TMEFF1: variants seen among roughly 807,000 people sequenced by gnomAD.
TMEFF1 encodes tomoregulin-1.
In TMEFF1, 20 loss-of-function variants were observed where a neutral mutation model predicts 47.5. The ratio of observed to expected loss-of-function variants is 0.42; its 90% CI spans 0.30 to 0.61. The LOEUF (loss-of-function observed/expected upper bound fraction) is 0.61. Among genes scored for constraint, TMEFF1 ranks in the 20% least tolerant of loss-of-function variants. The pLI, the probability that TMEFF1 is intolerant of heterozygous loss-of-function variation, is 0.19. For synonymous variants in TMEFF1, 162 were observed against 166.3 expected, an observed-to-expected ratio of 0.97 and a Z score of 0.20; for missense variants, 411 against 471.1, an observed-to-expected ratio of 0.87 and a Z score of 1.18.
chr9:100,534,997 G>C (rs1378330194), intron 5 of TMEFF1, among the ~76,000 whole-genome samples: 1 of 152,054 alleles, frequency 6.6e-6, no homozygotes, highest in East Asian at 1.9e-4. Context: ...GGCCACATGT[G>C]GTCTTCACCA....
chr9:100,475,715 CTGTGTGTGTGTGTG>C (rs3055671), intron 1 of TMEFF1, among the ~76,000 whole-genome samples: 12 of 140,922 alleles, frequency 8.5e-5, no homozygotes, highest in South Asian at 2.3e-4. Context: ...TGCAGAGCGA[CTGTGTGTGTGTGTG>C]TGTGTGTGTG....
intron 7 of TMEFF1, among the ~76,000 whole-genome samples, chr9:100,561,173 A>G (rs768929771): frequency 1.8e-4 from 27 of 152,206 alleles, no homozygotes; most frequent in Non-Finnish European, 3.4e-4. Context: ...AAATATTTTT[A>G]AATGCTTTGA....
rs549281580 is a variant in TMEFF1, at chr9:100,551,661, C to A, written c.775+1501C>A. On this transcript the variant is annotated intron_variant, in intron 7 of 9. Transcript: ENST00000374879. ...AAATGTTTTACACATAAGAATTGAT[C>A]TCTAATTTAAATGAAATTATCATAG... Among the ~76,000 whole-genome samples, 5 of 152,238 alleles carry A rather than the reference C, an allele frequency of 3.3e-5. 1 individual carries two copies. The South Asian group carries it at 1.0e-3, about 32-fold the overall frequency.
chr9:100,543,707 AC>A (rs1838678216), intron 5 of TMEFF1, among the ~76,000 whole-genome samples: 4 of 92,746 alleles, frequency 4.3e-5, no homozygotes, highest in Non-Finnish European at 6.9e-5. Context: ...GAAGTAAAAC[AC>A]ACACACACAC....
intron 1 of TMEFF1, among the ~76,000 whole-genome samples, chr9:100,478,507 G>C (rs1837276392): frequency 6.6e-6 from 1 of 152,128 alleles, no homozygotes; most frequent in Admixed American, 6.5e-5. Context: ...TAGAGACAGG[G>C]CTTCGCCATG....
At position 100,516,840 on chromosome 9, in the gene TMEFF1, A is replaced by T. The variant is rs1034669410; in HGVS notation, c.560+69A>T. On this transcript the variant is annotated intron_variant, in intron 5 of 9. Transcript: ENST00000374879. Reference sequence around the variant, plus strand: ...TCATCAGTATGATTATATTGTGGAAAGGTATCATTTACCTGGTTCTGTATC... The same window carrying T: ...TCATCAGTATGATTATATTGTGGAATGGTATCATTTACCTGGTTCTGTATC... 21 of 1,542,114 alleles carry T rather than the reference A, an allele frequency of 1.4e-5. No homozygotes were observed. In the Middle Eastern group the frequency reaches 5.2e-4, roughly 38 times the overall value.
At chr9:100,493,590 C>T (rs1837596521) in intron 1 of TMEFF1, among the ~76,000 whole-genome samples, 1 of 152,140 alleles carries the variant, frequency 6.6e-6, no homozygotes, top group African/African-American at 2.4e-5. Context: ...AGATTTGCAA[C>T]AAGAGCAAAA....
In TMEFF1 at chr9:100,482,380, TA is replaced by T. The variant is rs556569274; in HGVS notation, c.196+8641del. The stretch of plus-strand genomic sequence containing the variant: ...GCCTGGCTAATTTTTGAATTTTTAG[TA>T]GAGACGGGTTTTCACCATATTGGCC... On this transcript the variant is annotated intron_variant, in intron 1 of 9. Coordinates refer to ENST00000374879, the MANE Select transcript of TMEFF1 (RefSeq NM_003692.5). Among the ~76,000 whole-genome samples the T allele has an allele frequency of 7.2e-5, 11 of 152,086 alleles. 1 individual carries two copies. In the South Asian group the frequency reaches 2.1e-3, roughly 29 times the overall value.
At chr9:100,565,573 C>T (rs76059951) in intron 8 of TMEFF1, among the ~76,000 whole-genome samples, 5,240 of 152,140 alleles carry the variant, frequency 0.034, 295 homozygotes, top group African/African-American at 0.12. Flanking sequence ...TATACATTCT[C>T]CTCCTCTCCT....
chr9:100,540,245 CAG>C (rs962761476), intron 5 of TMEFF1, among the ~76,000 whole-genome samples: 3 of 152,086 alleles, frequency 2.0e-5, no homozygotes, highest in Non-Finnish European at 4.4e-5. Context: ...TAGCTAGACA[CAG>C]AGCACTGATT....
At chr9:100,550,222 T>G in intron 7 of TMEFF1, 62 bp downstream of exon 7, 2 of 1,542,602 alleles carry the variant, frequency 1.3e-6, no homozygotes, top group South Asian at 2.4e-5. Flanking sequence ...TAGCTGTCCT[T>G]ATTAGTTCTG....
intron 1 of TMEFF1, among the ~76,000 whole-genome samples, chr9:100,489,640 AT>A (rs1837514041): frequency 6.6e-6 from 1 of 152,200 alleles, no homozygotes; most frequent in African/African-American, 2.4e-5. Context: ...TGTGGTTCCT[AT>A]TTTGGTGGGT....
At chr9:100,512,852 C>T (rs1292203402) in intron 3 of TMEFF1, among the ~76,000 whole-genome samples, 4 of 151,932 alleles carry the variant, frequency 2.6e-5, no homozygotes, top group Non-Finnish European at 4.4e-5. Flanking sequence ...GGTCTTTATC[C>T]GCAGATTTCC....
intron 5 of TMEFF1, among the ~76,000 whole-genome samples, chr9:100,521,448 T>C (rs1004901052): frequency 1.3e-5 from 2 of 152,230 alleles, no homozygotes; most frequent in Admixed American, 6.5e-5. Context: ...CTGTGACCAC[T>C]GTGAAACAGT....
intron 9 of TMEFF1, among the ~76,000 whole-genome samples, chr9:100,574,275 G>A (rs1839306700): frequency 1.3e-5 from 2 of 152,184 alleles, no homozygotes; most frequent in Admixed American, 1.3e-4. Flanking sequence ...ATATGAGGTA[G>A]GGGGAAGACC....
chr9:100,498,272 T>C (rs1837695338), intron 1 of TMEFF1, among the ~76,000 whole-genome samples: 1 of 152,180 alleles, frequency 6.6e-6, no homozygotes. Flanking sequence ...ACTGTTCTTT[T>C]GTAGTTAAAA....
chr9:100,510,505 T>G (rs1837941818), intron 3 of TMEFF1, among the ~76,000 whole-genome samples: 1 of 152,234 alleles, frequency 6.6e-6, no homozygotes, highest in South Asian at 2.1e-4. Flanking sequence ...CATCTCACTC[T>G]GTTCCTCAGG....
chr9:100,571,309 A>G (rs765950628), intron 8 of TMEFF1, among the ~76,000 whole-genome samples: 1 of 152,200 alleles, frequency 6.6e-6, no homozygotes, highest in Admixed American at 6.5e-5. Context: ...TGTTTACCAC[A>G]TCTAATTTAT....
At position 100,566,471 on chromosome 9, in the gene TMEFF1, T is replaced by G. The variant is rs1839126953; in HGVS notation, c.899+4951T>G. Reference sequence around the variant, plus strand: ...CTCAGTTGATTCCAACTCCATCTTTTCAGTTGCTCAGACAAAACACCCTCT... The same window carrying G: ...CTCAGTTGATTCCAACTCCATCTTTGCAGTTGCTCAGACAAAACACCCTCT... On this transcript the variant is annotated intron_variant, in intron 8 of 9. Transcript: ENST00000374879. Among the ~76,000 whole-genome samples, 3 of 152,288 alleles carry G rather than the reference T, an allele frequency of 2.0e-5. No homozygotes were observed. The South Asian group carries it at 6.2e-4, about 32-fold the overall frequency.
Sources: gnomAD v4.1 joint callset for allele counts (sites outside exome capture counted in the v4.1 genomes callset) on GRCh38, gnomAD v4.1.1 for gene constraint, MANE v1.5 for transcripts, NCBI Gene and HGNC (gene_info 2026-07-23, HGNC 2026-07-21) for gene names.